FARS2: variants seen among roughly 807,000 people sequenced by gnomAD.
The protein encoded by FARS2 is phenylalanyl-tRNA synthetase 2, mitochondrial.
In FARS2, 40 loss-of-function variants were observed where a neutral mutation model predicts 46.4. The ratio of observed to expected loss-of-function variants is 0.86; its 90% confidence interval spans 0.67 to 1.12. The LOEUF is 1.12. Ranked by LOEUF, FARS2 falls within the 50% of genes most tolerant of loss-of-function variation. The pLI, the probability that FARS2 is intolerant of heterozygous loss-of-function variation, is 0.00. For missense variants in FARS2, 513 were observed against 567.9 expected (o/e 0.90, Z 0.98); for synonymous variants, 234 against 214.9 (o/e 1.09, Z -0.78).
At chr6:5,323,068 G>C (rs1458388047) in intron 1 of FARS2, among the ~76,000 whole-genome samples, 1 of 152,026 alleles carries the variant, frequency 6.6e-6, no homozygotes, top group East Asian at 1.9e-4. Flanking sequence ...AATTAAATCT[G>C]TGTTTTCAGG....
rs1315698554 is a variant in FARS2, at chr6:5,343,384, G to C, written c.-21-25166G>C. Among the ~76,000 whole-genome samples the C allele has an allele frequency of 6.6e-6, 1 of 151,958 alleles. No individual in the cohort carries two copies. Among genetic ancestry groups the C allele is most frequent in the Non-Finnish European group, 1.5e-5 (1 of 68,002 alleles). ...ACGCCACCACGCCCAGCTAATTTTT[G>C]TATTTTTAGTAGAGATAGTGTTTCA... On this transcript the variant is annotated intron_variant, in intron 1 of 6. Coordinates refer to ENST00000274680, the MANE Select transcript of FARS2 (RefSeq NM_006567.5). This position sits in a 1 kb window ranked among gnomAD's most constrained non-coding sequence, Gnocchi z 4.5.
chr6:5,463,219 G>A (rs1765342750), intron 4 of FARS2, among the ~76,000 whole-genome samples: 1 of 152,132 alleles, frequency 6.6e-6, no homozygotes, highest in Non-Finnish European at 1.5e-5. Flanking sequence ...TCTTCTTAAC[G>A]ATATTGTGAA....
At chr6:5,249,967 A>G in the FARS2 span, among the ~76,000 whole-genome samples, 6 of 152,216 alleles carry the variant, frequency 3.9e-5, no homozygotes, top group African/African-American at 1.4e-4. Context: ...ATTTTCTATT[A>G]GGTTCATTAT....
intron 5 of FARS2, among the ~76,000 whole-genome samples, chr6:5,570,942 T>A (rs1481286469): frequency 6.6e-6 from 1 of 152,248 alleles, no homozygotes; most frequent in Non-Finnish European, 1.5e-5. Context: ...CTGAAATAAT[T>A]TCCATTTATC....
At chr6:5,424,819 T>C (rs1186863251) in intron 3 of FARS2, among the ~76,000 whole-genome samples, 1 of 152,214 alleles carries the variant, frequency 6.6e-6, no homozygotes, top group African/African-American at 2.4e-5. Context: ...AGAGCACTAT[T>C]GAAACATCAT....
chr6:5,490,155 G>C (rs145433804), intron 4 of FARS2, among the ~76,000 whole-genome samples: 199 of 151,792 alleles, frequency 1.3e-3, no homozygotes, highest in African/African-American at 4.4e-3. Context: ...ATAATACTTA[G>C]ATGTTTGTGT....
At position 5,539,384 on chromosome 6, in the gene FARS2, G is replaced by GTGTATATA; in HGVS notation, c.905-5795_905-5794insGTATATAT. Among the ~76,000 whole-genome samples, 30 of 79,582 alleles carry GTGTATATA rather than the reference G, an allele frequency of 3.8e-4. 2 individuals carry two copies. Among genetic ancestry groups the GTGTATATA allele is most frequent in the African/African-American group, 8.3e-4 (18 of 21,618 alleles). The allele number at this position is 79,582 out of a possible 152,430, so 52.2% of individuals were successfully genotyped here. A position where few individuals can be genotyped will look rare whatever the true frequency, so the allele number is the denominator to read the frequency against. Reference sequence around the variant, plus strand: ...ACCATGCCCACCTAATTTTTTTTGTGTATATATATATATATGTATATATTT... The same window carrying GTGTATATA: ...ACCATGCCCACCTAATTTTTTTTGTGTGTATATATATATATATATATATGTATATATTT... On this transcript the variant is annotated intron_variant, in intron 4 of 6. Transcript: ENST00000274680.
chr6:5,766,568 A>G (rs1265768134), intron 6 of FARS2, among the ~76,000 whole-genome samples: 1 of 152,174 alleles, frequency 6.6e-6, no homozygotes, highest in Non-Finnish European at 1.5e-5. Context: ...TAACTTGCAA[A>G]CCTTGTCACT....
chr6:5,639,435 C>G (rs556483385), intron 6 of FARS2, among the ~76,000 whole-genome samples: 1 of 152,296 alleles, frequency 6.6e-6, no homozygotes, highest in East Asian at 1.9e-4. Context: ...TAAAAGAACT[C>G]CTAAAGATAG....
At chr6:5,609,254 A>G (rs1561749263) in intron 5 of FARS2, 14 of 1,115,346 alleles carry the variant, frequency 1.3e-5, no homozygotes, top group Non-Finnish European at 1.9e-5. Context: ...TGCCTTAGCT[A>G]CTGCTGCTAC....
intron 4 of FARS2, among the ~76,000 whole-genome samples, chr6:5,480,854 G>C (rs1413751945): frequency 6.6e-6 from 1 of 152,156 alleles, no homozygotes; most frequent in Non-Finnish European, 1.5e-5. Flanking sequence ...TGTCATAATG[G>C]ATGTCTCTTT....
At chr6:5,251,810 C>T in the FARS2 span, among the ~76,000 whole-genome samples, 6 of 152,142 alleles carry the variant, frequency 3.9e-5, no homozygotes, top group Non-Finnish European at 7.3e-5. Context: ...TTAAAAGATC[C>T]GCAACAAGGA....
chr6:5,497,526 G>A (rs80099997), intron 4 of FARS2, among the ~76,000 whole-genome samples: 4,424 of 152,244 alleles, frequency 0.029, 90 homozygotes, highest in African/African-American at 0.051. Flanking sequence ...GGAACATTGG[G>A]TGTTGATTTC....
In FARS2 at chr6:5,484,450, C is replaced by A. The variant is rs530006398; in HGVS notation, c.904+53278C>A. 5.9e-5 allele frequency among the ~76,000 whole-genome samples: 9 copies of A among 152,310 alleles called. No homozygotes were observed. In the East Asian group the frequency reaches 1.5e-3, roughly 26 times the overall value. On this transcript the variant is annotated intron_variant, in intron 4 of 6. Coordinates refer to ENST00000274680, the MANE Select transcript of FARS2 (RefSeq NM_006567.5). ...ATATCTGTGCTGTCCAGTATGGTAG[C>A]CACTAACCACATGTGACTGGTGAAC...
chr6:5,494,769 T>C (rs916643512), intron 4 of FARS2, among the ~76,000 whole-genome samples: 5 of 152,254 alleles, frequency 3.3e-5, no homozygotes, highest in Non-Finnish European at 7.3e-5. Context: ...AAACATAGTC[T>C]GTACCAAGAG....
rs530811777 is a variant in FARS2 at position 5,600,851 on chromosome 6, C to T, written c.1066-12318C>T. On this transcript the variant is annotated intron_variant, in intron 5 of 6. Coordinates refer to ENST00000274680, the MANE Select transcript of FARS2 (RefSeq NM_006567.5). ...AGGCTGAATAGACTACTTCTGGAAA[C>T]AGTAGTAGAAACTTGGACTAAATGT... Among the ~76,000 whole-genome samples, 8 of 152,280 alleles carry T rather than the reference C, an allele frequency of 5.3e-5. No homozygotes were observed. The South Asian group carries it at 1.7e-3, about 32-fold the overall frequency.
chr6:5,557,574 A>AC (rs1771734925), intron 5 of FARS2, among the ~76,000 whole-genome samples: 1 of 152,154 alleles, frequency 6.6e-6, no homozygotes, highest in Non-Finnish European at 1.5e-5. Flanking sequence ...GCATTATTTC[A>AC]CAACGAACAA....
intron 4 of FARS2, among the ~76,000 whole-genome samples, chr6:5,523,195 C>G (rs372258362): frequency 1.3e-5 from 2 of 152,258 alleles, no homozygotes; most frequent in East Asian, 1.9e-4. Flanking sequence ...CATGACCAGT[C>G]CAGTCTAATG....
chr6:5,265,700 A>G (rs1328491048), intron 1 of FARS2, among the ~76,000 whole-genome samples: 1 of 152,212 alleles, frequency 6.6e-6, no homozygotes, highest in Non-Finnish European at 1.5e-5. Flanking sequence ...TATACTTTAA[A>G]TGCATTTGTA....
Sources: allele counts gnomAD v4.1 joint callset (sites outside exome capture counted in the v4.1 genomes callset), GRCh38; gene constraint gnomAD v4.1.1; non-coding constraint Gnocchi (gnomAD v3.1); transcripts MANE v1.5; gene names NCBI Gene and HGNC (gene_info 2026-07-23, HGNC 2026-07-21).